The following MTUS2 variants were observed in gnomAD, a reference collection of about 807,000 sequenced individuals.
MTUS2 encodes the protein microtubule-associated tumor suppressor candidate 2.
MTUS2 carries 40 observed loss-of-function variants against 114.1 expected under a neutral mutation model. That is an observed-to-expected ratio of 0.35 (90% CI 0.27 to 0.46). The LOEUF is 0.46. Ranked by LOEUF, MTUS2 falls within the 20% of genes least tolerant of loss-of-function variation. The pLI is 1.00. For synonymous variants in MTUS2, 688 were observed against 672.0 expected, an observed-to-expected ratio of 1.02 and a Z score of -0.37; for missense variants, 1,679 against 1,705.4, an observed-to-expected ratio of 0.98 and a Z score of 0.27.
At chr13:29,233,020 A>G (rs188994659) in intron 5 of MTUS2, among the ~76,000 whole-genome samples, 2 of 152,352 alleles carry the variant, frequency 1.3e-5, no homozygotes, top group African/African-American at 4.8e-5. Flanking sequence ...GACATTAACA[A>G]AAAGAACAGC....
chr13:29,160,338 T>C (rs985274988), intron 5 of MTUS2, among the ~76,000 whole-genome samples: 8 of 152,258 alleles, frequency 5.3e-5, no homozygotes, highest in Non-Finnish European at 1.2e-4. Flanking sequence ...TATTTTCTTT[T>C]ATCTAGCTTA....
intron 5 of MTUS2, among the ~76,000 whole-genome samples, chr13:29,212,142 C>T (rs2139286456): frequency 6.6e-6 from 1 of 152,184 alleles, no homozygotes; most frequent in Non-Finnish European, 1.5e-5. Context: ...ATTGGGTTTT[C>T]ATCTTCATTG....
At chr13:29,064,312 T>C (rs1888556203) in intron 4 of MTUS2, among the ~76,000 whole-genome samples, 1 of 151,710 alleles carries the variant, frequency 6.6e-6, no homozygotes. Context: ...TGTGGGTTGG[T>C]TGTCACTGAA....
At chr13:29,456,797 G>T (rs1879136455) in intron 9 of MTUS2, among the ~76,000 whole-genome samples, 1 of 152,160 alleles carries the variant, frequency 6.6e-6, no homozygotes, top group African/African-American at 2.4e-5. Context: ...AAACTTAGAT[G>T]TATAGGAAAT....
intron 12 of MTUS2, among the ~76,000 whole-genome samples, chr13:29,495,389 C>T (rs1281644803): frequency 1.5e-5 from 2 of 135,958 alleles, no homozygotes; most frequent in East Asian, 4.3e-4. Flanking sequence ...AAGGAAGTAA[C>T]TGGAAAAGAG....
At chr13:29,112,231 T>C (rs1005469824) in intron 5 of MTUS2, among the ~76,000 whole-genome samples, 9 of 151,462 alleles carry the variant, frequency 5.9e-5, no homozygotes, top group Non-Finnish European at 1.3e-4. Flanking sequence ...GTGTAGGGAG[T>C]ATCTGTCTAG....
intron 4 of MTUS2, among the ~76,000 whole-genome samples, chr13:29,051,350 C>T (rs1887887824): frequency 6.6e-6 from 1 of 152,104 alleles, no homozygotes; most frequent in Admixed American, 6.5e-5. Context: ...GTTGACTAAC[C>T]AGGTCAACTA....
intron 9 of MTUS2, among the ~76,000 whole-genome samples, chr13:29,449,173 A>G (rs967560951): frequency 8.0e-5 from 12 of 149,604 alleles, no homozygotes; most frequent in African/African-American, 2.8e-4. Flanking sequence ...AATGTTTTCT[A>G]TAATATAAAA....
chr13:29,087,037 A>C (rs1889722585), intron 4 of MTUS2, among the ~76,000 whole-genome samples: 1 of 152,180 alleles, frequency 6.6e-6, no homozygotes, highest in Admixed American at 6.5e-5. Context: ...ATAGAATCAT[A>C]TCATCAGTGA....
intron 5 of MTUS2, among the ~76,000 whole-genome samples, chr13:29,201,680 C>T (rs968921037): frequency 6.6e-6 from 1 of 152,160 alleles, no homozygotes; most frequent in African/African-American, 2.4e-5. Flanking sequence ...CCTTCAGGAG[C>T]TCTTGTAAGG....
intron 4 of MTUS2, among the ~76,000 whole-genome samples, chr13:29,041,976 G>A (rs1239677571): frequency 6.6e-6 from 1 of 152,064 alleles, no homozygotes; most frequent in East Asian, 1.9e-4. Context: ...TTGTCTGATT[G>A]CTCTGGTTTG....
intron 2 of MTUS2, among the ~76,000 whole-genome samples, chr13:28,943,039 G>T (rs1414659241): frequency 6.6e-6 from 1 of 152,162 alleles, no homozygotes; most frequent in Non-Finnish European, 1.5e-5. Context: ...TGAAAACATA[G>T]TTAAAAGAAC....
At position 29,427,170 on chromosome 13, in the gene MTUS2, C is replaced by T. The variant is rs573002000; in HGVS notation, c.3118-12813C>T. ...AAACAGTAAAAATAAAACATGCTCA[C>T]GAGAGGGTAAAAAGTGGACATTCAC... is the stretch of plus-strand genomic sequence containing the variant. On this transcript the variant is annotated intron_variant, in intron 8 of 15. Transcript: ENST00000612955. Among the ~76,000 whole-genome samples, 8 of 152,266 alleles carry T rather than the reference C, an allele frequency of 5.3e-5. No homozygotes were observed. In the East Asian group the frequency reaches 5.8e-4, roughly 11 times the overall value.
chr13:29,343,764 G>T (rs4769724), intron 7 of MTUS2, among the ~76,000 whole-genome samples: 110,376 of 151,744 alleles, frequency 0.73, 44,158 homozygotes, highest in East Asian at 0.9. Flanking sequence ...TCCTCTTTCA[G>T]CTTTTTGATG....
intron 7 of MTUS2, among the ~76,000 whole-genome samples, chr13:29,350,966 T>TATATATATATATC (rs1386127775): frequency 4.3e-5 from 1 of 23,192 alleles, no homozygotes; most frequent in Non-Finnish European, 1.1e-4. Flanking sequence ...ATTTCATATA[T>TATATATATATATC]ATATATATAT....
chr13:29,425,916 C>T (rs898536707), intron 8 of MTUS2, among the ~76,000 whole-genome samples: 3 of 152,186 alleles, frequency 2.0e-5, no homozygotes, highest in African/African-American at 7.2e-5. Flanking sequence ...CAAGGGCTCT[C>T]ATACATCTCC....
At chr13:28,951,237 C>T (rs1882793830) in intron 2 of MTUS2, among the ~76,000 whole-genome samples, 1 of 152,172 alleles carries the variant, frequency 6.6e-6, no homozygotes, top group African/African-American at 2.4e-5. Context: ...AAGACTTACA[C>T]ACTGAAAACT....
At chr13:29,002,605 T>TC (rs1474604524) in intron 2 of MTUS2, among the ~76,000 whole-genome samples, 13 of 152,224 alleles carry the variant, frequency 8.5e-5, no homozygotes, top group Admixed American at 8.5e-4. Context: ...GCAAGGGCTT[T>TC]CATACAGTCA....
At chr13:29,336,553 G>A (rs930761872) in intron 7 of MTUS2, among the ~76,000 whole-genome samples, 1 of 152,182 alleles carries the variant, frequency 6.6e-6, no homozygotes, top group Non-Finnish European at 1.5e-5. Flanking sequence ...GCCAGCTGGA[G>A]CTTTCCTGTA....
Sources: allele counts gnomAD v4.1 joint callset (sites outside exome capture counted in the v4.1 genomes callset), GRCh38; gene constraint gnomAD v4.1.1; transcripts MANE v1.5; gene names NCBI Gene and HGNC (gene_info 2026-07-23, HGNC 2026-07-21).